Variants in RALGAPA2 observed in about 807,000 individuals in gnomAD.
RALGAPA2 encodes ral GTPase-activating protein subunit alpha-2.
Under a neutral mutation model 230.4 loss-of-function variants are expected in RALGAPA2, and 139 were observed. The observed-to-expected ratio is 0.60, with a 90% CI of 0.53 to 0.69. The LOEUF is 0.69. Among genes scored for constraint, RALGAPA2 ranks in the 30% least tolerant of loss-of-function variants. RALGAPA2 has a pLI of 0.00. For missense variants in RALGAPA2, 2,163 were observed against 2,276.0 expected (o/e 0.95, Z 1.01); for synonymous variants, 847 against 837.8 (o/e 1.01, Z -0.19).
chr20:20,518,148 C>T (rs922859087), intron 31 of RALGAPA2, among the ~76,000 whole-genome samples: 12 of 152,026 alleles, frequency 7.9e-5, no homozygotes, highest in Non-Finnish European at 1.8e-4. Flanking sequence ...CTCCGTCTCC[C>T]GGGTTCAAGT....
intron 37 of RALGAPA2, among the ~76,000 whole-genome samples, chr20:20,454,866 T>C (rs2061073780): frequency 6.6e-6 from 1 of 152,208 alleles, no homozygotes; most frequent in African/African-American, 2.4e-5. Context: ...ATTTTTAAAG[T>C]TTTAATGTTT....
At chr20:20,644,098 G>T (rs892706133) in intron 4 of RALGAPA2, among the ~76,000 whole-genome samples, 5 of 152,082 alleles carry the variant, frequency 3.3e-5, no homozygotes, top group Admixed American at 2.6e-4. Context: ...AATGAGAAAA[G>T]CTTCTCTTAG....
At chr20:20,548,682 G>A (rs1334979384) in intron 23 of RALGAPA2, among the ~76,000 whole-genome samples, 2 of 152,148 alleles carry the variant, frequency 1.3e-5, no homozygotes, top group African/African-American at 2.4e-5. Flanking sequence ...CTAAGGGACC[G>A]AGCAGATGGA....
At chr20:20,402,142 T>G (rs891122154) in intron 38 of RALGAPA2, among the ~76,000 whole-genome samples, 1 of 152,218 alleles carries the variant, frequency 6.6e-6, no homozygotes. Flanking sequence ...AGCTCTGGTC[T>G]GGACATGACC....
Position 20,391,930 on chromosome 20 carries a change from G to A in RALGAPA2, c.*1359C>T, listed in dbSNP as rs2059609806. On this transcript the variant is annotated 3_prime_UTR_variant, in exon 40 of 40. Coordinates refer to ENST00000202677, the MANE Select transcript of RALGAPA2 (RefSeq NM_020343.4). Reference sequence around the variant, plus strand: ...GTTGCTCTGTACCTGGCCGCTGTGAGAACAAAGCCTGCGCAGTGGCGATGG... The same window carrying A: ...GTTGCTCTGTACCTGGCCGCTGTGAAAACAAAGCCTGCGCAGTGGCGATGG... 6.6e-6 allele frequency: 1 copy of A among 152,392 alleles called. No individual in the cohort carries two copies. The highest frequency in any genetic ancestry group is 1.5e-5 in the Non-Finnish European group (1 of 68,160). 9.4% of individuals were successfully genotyped at this position (152,392 alleles called of 1,614,324 possible).
intron 37 of RALGAPA2, among the ~76,000 whole-genome samples, chr20:20,464,912 T>A (rs1162073906): frequency 6.6e-6 from 1 of 152,108 alleles, no homozygotes; most frequent in Non-Finnish European, 1.5e-5. Context: ...TTTTAAGTGT[T>A]CAGGATCCAG....
intron 9 of RALGAPA2, 63 bp downstream of exon 9, chr20:20,635,355 G>A: frequency 6.9e-7 from 1 of 1,458,864 alleles, no homozygotes; most frequent in South Asian, 1.2e-5. Flanking sequence ...AATAACTTTG[G>A]CTATGTTCCA....
At chr20:20,410,388 G>A (rs922847692) in intron 38 of RALGAPA2, among the ~76,000 whole-genome samples, 5 of 152,070 alleles carry the variant, frequency 3.3e-5, no homozygotes, top group South Asian at 2.1e-4. Flanking sequence ...TATTATTTAC[G>A]TGTTTAATTT....
intron 37 of RALGAPA2, among the ~76,000 whole-genome samples, chr20:20,458,690 C>CTA (rs1379522205): frequency 8.4e-5 from 10 of 119,628 alleles, no homozygotes; most frequent in Non-Finnish European, 1.2e-4. Context: ...ATATATAGAC[C>CTA]TATATATATA....
chr20:20,530,623 C>T (rs556084849), intron 27 of RALGAPA2, among the ~76,000 whole-genome samples: 1 of 152,190 alleles, frequency 6.6e-6, no homozygotes, highest in Admixed American at 6.5e-5. Flanking sequence ...CTGATGGCGA[C>T]AGTCCCAGGC....
rs542368069 is a variant in RALGAPA2 at position 20,512,878 on chromosome 20, C to T, written c.4491G>A (p.Ser1497=). ...GTCCAAATGTGTCACGATGCCAGCT[C>T]GAAATCAGAAATGAAGGATTTCTTC... ...PNGRNPSFLI[S]SWHRDTFGPQ... is the part of the protein sequence containing the mutation. The change falls in exon 32 of 40, where the codon TCG becomes TCA. Residue 1497 remains serine (S), a synonymous_variant. Transcript: ENST00000202677. 4.2e-5 allele frequency: 68 copies of T among 1,613,792 alleles called. No individual in the cohort carries two copies. Among genetic ancestry groups the T allele is most frequent in the Middle Eastern group, 1.6e-4 (1 of 6,062 alleles).
chr20:20,608,906 A>G (rs2065900680), intron 14 of RALGAPA2, among the ~76,000 whole-genome samples: 1 of 152,254 alleles, frequency 6.6e-6, no homozygotes, highest in Non-Finnish European at 1.5e-5. Flanking sequence ...TCAAGGCCAC[A>G]TAGCCAGAGA....
At position 20,524,514 on chromosome 20, in the gene RALGAPA2, C is replaced by T. The variant is rs1279601709; in HGVS notation, c.3792G>A (p.Leu1264=). ...TCACGGGCAATGCCATGCACCAGTC[C>T]AAGAGGCAGAGTAGCAAGGACACAA... ...KFIVSLLLCL[L]DWCMALPVSV... Residue 1264 remains leucine, a synonymous_variant, in exon 30 of 40, where the codon TTG becomes TTA. Transcript: ENST00000202677. 8.7e-6 allele frequency: 14 copies of T among 1,613,774 alleles called. No individual in the cohort carries two copies. Among genetic ancestry groups the T allele is most frequent in the Non-Finnish European group, 1.2e-5 (14 of 1,179,878 alleles).
Position 20,635,577 on chromosome 20 carries a change from G to A in RALGAPA2, c.846C>T (p.Thr282=). ...HLRPKPVYIT[T]TRDNENIYST... ...TGTAAATGTTCTCATTGTCTCGAGT[G>A]GTAGTAATGTACACAGGCTTTGGTC... Residue 282 remains threonine (T), a synonymous_variant, in exon 9 of 40, where the codon ACC becomes ACT. Coordinates refer to ENST00000202677, the MANE Select transcript of RALGAPA2 (RefSeq NM_020343.4). The A allele has an allele frequency of 1.9e-6, 3 of 1,580,764 alleles. No homozygotes were observed. Among genetic ancestry groups the A allele is most frequent in the South Asian group, 1.2e-5 (1 of 84,666 alleles).
At chr20:20,420,601 G>A (rs1027015890) in intron 37 of RALGAPA2, among the ~76,000 whole-genome samples, 3 of 152,118 alleles carry the variant, frequency 2.0e-5, no homozygotes, top group Non-Finnish European at 2.9e-5. Context: ...ACACCCTGGC[G>A]TGGAGGGAAG....
chr20:20,636,558 A>G (rs6046974), intron 8 of RALGAPA2, among the ~76,000 whole-genome samples: 13,096 of 134,546 alleles, frequency 0.097, 699 homozygotes, highest in East Asian at 0.26. Flanking sequence ...GTGTGTGTGT[A>G]TGTGTGTGTG....
intron 38 of RALGAPA2, among the ~76,000 whole-genome samples, chr20:20,406,217 T>C (rs903557470): frequency 6.6e-6 from 1 of 152,136 alleles, no homozygotes; most frequent in African/African-American, 2.4e-5. Flanking sequence ...CCCAGACCAA[T>C]AAATCCGAAT....
chr20:20,652,876 C>T (rs2146604495), intron 4 of RALGAPA2, among the ~76,000 whole-genome samples: 1 of 152,108 alleles, frequency 6.6e-6, no homozygotes, highest in South Asian at 2.1e-4. Context: ...AATTTTCAGT[C>T]AATGATACAG....
At chr20:20,474,783 G>A (rs918096290) in intron 36 of RALGAPA2, among the ~76,000 whole-genome samples, 1 of 152,152 alleles carries the variant, frequency 6.6e-6, no homozygotes, top group Non-Finnish European at 1.5e-5. Context: ...GATGCCTACT[G>A]GGTATCCAGT....
Sources: gnomAD v4.1 joint callset for allele counts (sites outside exome capture counted in the v4.1 genomes callset) on GRCh38, gnomAD v4.1.1 for gene constraint, MANE v1.5 for transcripts, NCBI Gene and HGNC (gene_info 2026-07-23, HGNC 2026-07-21) for gene names.